SSH2: variants seen among roughly 807,000 people sequenced by gnomAD.
SSH2 encodes slingshot protein phosphatase 2, also known as protein phosphatase Slingshot homolog 2.
SSH2 carries 37 observed loss-of-function variants against 135.2 expected under a neutral mutation model. The ratio of observed to expected loss-of-function variants is 0.27; its 90% CI spans 0.21 to 0.36. The LOEUF (loss-of-function observed/expected upper bound fraction) is 0.36, where lower values mean the gene tolerates loss of function less well. Ranked by LOEUF, SSH2 falls within the 10% of genes least tolerant of loss-of-function variation. The pLI is 1.00. For synonymous variants in SSH2, 628 were observed against 646.2 expected (o/e 0.97, Z 0.43); for missense variants, 1,408 against 1,765.3 (o/e 0.80, Z 3.63).
chr17:29,724,802 C>G (rs1365708486), intron 3 of SSH2, among the ~76,000 whole-genome samples: 1 of 150,982 alleles, frequency 6.6e-6, no homozygotes, highest in South Asian at 2.1e-4. Flanking sequence ...GTTGCCCAGG[C>G]TGGTCTCAAA....
chr17:29,802,096 A>C (rs533968885), intron 2 of SSH2, among the ~76,000 whole-genome samples: 1 of 152,230 alleles, frequency 6.6e-6, no homozygotes, highest in Admixed American at 6.5e-5. Context: ...TTCTAGCTTT[A>C]AGCAATCCTC....
At chr17:29,753,657 G>A (rs1212531366) in intron 3 of SSH2, among the ~76,000 whole-genome samples, 2 of 151,596 alleles carry the variant, frequency 1.3e-5, no homozygotes, top group African/African-American at 4.8e-5. Context: ...TTAGCTGGGC[G>A]TGGTGGCGGG....
intron 3 of SSH2, among the ~76,000 whole-genome samples, chr17:29,722,344 A>G (rs1216618437): frequency 6.6e-6 from 1 of 151,956 alleles, no homozygotes; most frequent in Admixed American, 6.6e-5. Context: ...TCCTTCACAC[A>G]TGTTATATGT....
intron 11 of SSH2, among the ~76,000 whole-genome samples, chr17:29,666,139 T>C (rs2037263689): frequency 6.6e-6 from 1 of 152,010 alleles, no homozygotes; most frequent in South Asian, 2.1e-4. Context: ...TGGGAAGGAC[T>C]AGGTGAGTGG....
intron 3 of SSH2, among the ~76,000 whole-genome samples, chr17:29,721,002 T>C (rs553881734): frequency 1.3e-5 from 2 of 152,226 alleles, no homozygotes; most frequent in Non-Finnish European, 2.9e-5. Context: ...ATTTAATTTA[T>C]TAAGCTTTCT....
intron 1 of SSH2, among the ~76,000 whole-genome samples, chr17:29,895,165 T>C (rs1331942521): frequency 1.4e-5 from 2 of 146,446 alleles, no homozygotes; most frequent in African/African-American, 5.0e-5. Flanking sequence ...GCAGAATGTA[T>C]AAAATACATT....
intron 15 of SSH2, among the ~76,000 whole-genome samples, chr17:29,635,185 AG>A (rs1192670277): frequency 1.3e-5 from 2 of 152,108 alleles, no homozygotes; most frequent in African/African-American, 4.8e-5. Flanking sequence ...TACAGGCGTG[AG>A]CCACCGCGCC....
In SSH2 at chr17:29,636,704, T is replaced by C. The variant is rs764697611; in HGVS notation, c.1526A>G (p.Lys509Arg). 2 of 1,614,064 alleles carry C rather than the reference T, an allele frequency of 1.2e-6. No homozygotes were observed. The highest frequency in any genetic ancestry group is 1.7e-6 in the Non-Finnish European group (2 of 1,180,038). ...ICKPGLELNK[K>R]DITTSADQIA... ...CTGGTCTGCTGAGGTGGTGATATCCTTCTTGTTGAGTTCTAGCCCAGGTTT... is the reference window on the plus strand; with the variant it reads ...CTGGTCTGCTGAGGTGGTGATATCCCTCTTGTTGAGTTCTAGCCCAGGTTT... The change falls in exon 15 of 16, where the codon AAG becomes AGG. Residue 509 changes from lysine (K) to arginine (R), a missense_variant. Lys to Arg is a conservative substitution (Grantham distance 26). Around this residue, in one of 3 missense-constraint regions of SSH2, gnomAD observed 1,080 missense variants for 1,144.5 expected, o/e 0.94. Coordinates refer to ENST00000540801, the MANE Select transcript of SSH2 (RefSeq NM_001282129.2).
intron 2 of SSH2, among the ~76,000 whole-genome samples, chr17:29,815,365 G>A (rs1451202142): frequency 6.6e-6 from 1 of 151,634 alleles, no homozygotes; most frequent in African/African-American, 2.4e-5. Context: ...CTCGTGATCC[G>A]CCCGCCTTGG....
chr17:29,709,561 C>A (rs2039361500), intron 3 of SSH2, among the ~76,000 whole-genome samples: 1 of 152,148 alleles, frequency 6.6e-6, no homozygotes, highest in African/African-American at 2.4e-5. Context: ...CTTATAATCC[C>A]AGCTACTTGG....
chr17:29,704,820 C>T (rs1197977629), intron 3 of SSH2, among the ~76,000 whole-genome samples: 2 of 151,738 alleles, frequency 1.3e-5, no homozygotes, highest in South Asian at 4.1e-4. Flanking sequence ...TCAAGTTATC[C>T]ATCAAGTTTC....
At chr17:29,847,088 G>A (rs961438303) in intron 2 of SSH2, among the ~76,000 whole-genome samples, 6 of 152,132 alleles carry the variant, frequency 3.9e-5, no homozygotes, top group African/African-American at 1.4e-4. Context: ...GTGGGAAAAA[G>A]GTTTGCTATG....
intron 1 of SSH2, among the ~76,000 whole-genome samples, chr17:29,913,338 A>T (rs1317327443): frequency 3.5e-5 from 2 of 56,686 alleles, no homozygotes; most frequent in Non-Finnish European, 7.3e-5. Context: ...AAAAAAAAAA[A>T]AAAAAAAAAA....
chr17:29,787,518 T>C (rs1449806407), intron 3 of SSH2: 2 of 152,142 alleles, frequency 1.3e-5, no homozygotes, highest in Admixed American at 6.6e-5. Context: ...TGCTGGATCA[T>C]ATGATCATAT....
chr17:29,762,534 C>A (rs567470803), intron 3 of SSH2, among the ~76,000 whole-genome samples: 1 of 152,146 alleles, frequency 6.6e-6, no homozygotes, highest in Non-Finnish European at 1.5e-5. Context: ...AGCAGATGAC[C>A]TCGTTTATAA....
chr17:29,630,826 T>C lies in SSH2; in HGVS notation c.*15A>G. On this transcript the variant is annotated 3_prime_UTR_variant, in exon 16 of 16. Transcript: ENST00000540801. ...CAAACATTTCTTCTAGAAAGTCACA[T>C]GTGTAGGCTCAGAATCACATGGTAT... The C allele has an allele frequency of 3.9e-6, 6 of 1,520,038 alleles. No individual in the cohort carries two copies. Among genetic ancestry groups the C allele is most frequent in the Non-Finnish European group, 5.3e-6 (6 of 1,132,490 alleles). The allele number at this position is 1,520,038 out of a possible 1,614,324, so 94.2% of individuals were successfully genotyped here.
At chr17:29,723,124 G>A (rs2039877430) in intron 3 of SSH2, among the ~76,000 whole-genome samples, 1 of 151,566 alleles carries the variant, frequency 6.6e-6, no homozygotes, top group Non-Finnish European at 1.5e-5. Flanking sequence ...CCATCTCTGT[G>A]GGCAAGATAT....
intron 14 of SSH2, among the ~76,000 whole-genome samples, chr17:29,637,353 C>T (rs1162252876): frequency 6.6e-6 from 1 of 152,066 alleles, no homozygotes; most frequent in African/African-American, 2.4e-5. Context: ...CCCACATTGG[C>T]CCCCCACCAC....
At chr17:29,756,662 T>G (rs1375691027) in intron 3 of SSH2, among the ~76,000 whole-genome samples, 10 of 151,860 alleles carry the variant, frequency 6.6e-5, no homozygotes, top group Admixed American at 6.6e-4. Flanking sequence ...TGTTTTGTTT[T>G]GTTTTTTTTT....
Sources: allele counts gnomAD v4.1 joint callset (sites outside exome capture counted in the v4.1 genomes callset), GRCh38; gene constraint gnomAD v4.1.1; regional missense constraint gnomAD v4.1.1; transcripts MANE v1.5; gene names NCBI Gene and HGNC (gene_info 2026-07-23, HGNC 2026-07-21).